Variants in STK3 observed in about 807,000 individuals in gnomAD.
STK3 encodes the protein serine/threonine kinase 3, also known as serine/threonine-protein kinase 3.
Under a neutral mutation model 58.0 loss-of-function variants are expected in STK3, and 41 were observed. The observed-to-expected ratio is 0.71, with a 90% CI of 0.55 to 0.92. The LOEUF is 0.92. Among genes scored for constraint, STK3 ranks in the 40% least tolerant of loss-of-function variants. The pLI is 0.00. For synonymous variants in STK3, 170 were observed against 191.0 expected, an observed-to-expected ratio of 0.89 and a Z score of 0.91; for missense variants, 479 against 602.7, an observed-to-expected ratio of 0.79 and a Z score of 2.15.
At chr8:98,508,008 C>G (rs886229073) in intron 10 of STK3, among the ~76,000 whole-genome samples, 1 of 152,076 alleles carries the variant, frequency 6.6e-6, no homozygotes, top group Admixed American at 6.6e-5. Flanking sequence ...AAACTGTATA[C>G]TTTACTAATT....
chr8:98,404,410 G>A (rs540193677), intron 3 of STK3, among the ~76,000 whole-genome samples: 1 of 152,280 alleles, frequency 6.6e-6, no homozygotes, highest in East Asian at 1.9e-4. Context: ...GCTGGGTGTG[G>A]TGGCTCACGC....
chr8:98,645,522 T>C (rs1332509037), intron 6 of STK3, among the ~76,000 whole-genome samples: 1 of 152,204 alleles, frequency 6.6e-6, no homozygotes, highest in Non-Finnish European at 1.5e-5. Context: ...CACTGTATTA[T>C]ATATTAAACT....
chr8:98,770,255 T>C (rs748363064), intron 2 of STK3, among the ~76,000 whole-genome samples: 9 of 152,118 alleles, frequency 5.9e-5, no homozygotes, highest in Non-Finnish European at 1.3e-4. Flanking sequence ...CCACCACTTA[T>C]TGCTTCCAGA....
intron 7 of STK3, among the ~76,000 whole-genome samples, chr8:98,593,049 C>A (rs931342089): frequency 6.6e-6 from 1 of 152,166 alleles, no homozygotes; most frequent in Non-Finnish European, 1.5e-5. Flanking sequence ...CAGGCGTGAG[C>A]CACGGTGCCT....
rs1199191742 is a variant in STK3 at position 98,893,465 on chromosome 8, A to T, written c.-78-9631T>A. On this transcript the variant is annotated intron_variant, in intron 1 of 1. Transcript: ENST00000519420. ...AAGAAAGAAAGAAAGAAAGAAAGAA[A>T]GAAAGAAAGAAAGAAAGAAAGAGAA... Among the ~76,000 whole-genome samples the T allele has an allele frequency of 4.7e-5, 5 of 106,852 alleles. No individual in the cohort carries two copies. The East Asian group carries it at 1.3e-3, about 28-fold the overall frequency. The allele number at this position is 106,852 out of a possible 152,430, so 70.1% of individuals were successfully genotyped here. A position where few individuals can be genotyped will look rare whatever the true frequency, so the allele number is the denominator to read the frequency against.
At chr8:98,732,075 C>T (rs1387930743) in intron 4 of STK3, among the ~76,000 whole-genome samples, 1 of 151,498 alleles carries the variant, frequency 6.6e-6, no homozygotes, top group Non-Finnish European at 1.5e-5. Context: ...AATATAACTG[C>T]TAAAATAAAA....
At chr8:98,919,118 C>T (rs1369378079) in intron 1 of STK3, among the ~76,000 whole-genome samples, 2 of 152,130 alleles carry the variant, frequency 1.3e-5, no homozygotes, top group Admixed American at 6.5e-5. Flanking sequence ...TATATTCTGC[C>T]ATACATACTG....
chr8:98,753,726 A>T (rs1398527569), intron 3 of STK3, among the ~76,000 whole-genome samples: 1 of 152,154 alleles, frequency 6.6e-6, no homozygotes, highest in African/African-American at 2.4e-5. Context: ...TATTAAAAAC[A>T]AAGGCAATAA....
intron 10 of STK3, among the ~76,000 whole-genome samples, chr8:98,469,961 T>C (rs1469858599): frequency 6.6e-6 from 1 of 152,160 alleles, no homozygotes; most frequent in Non-Finnish European, 1.5e-5. Flanking sequence ...CTGAAACTGG[T>C]TTATATTCAC....
At chr8:98,418,053 G>C (rs1255429809) in intron 3 of STK3, among the ~76,000 whole-genome samples, 1 of 152,078 alleles carries the variant, frequency 6.6e-6, no homozygotes, top group Admixed American at 6.6e-5. Flanking sequence ...GGTACTAAAG[G>C]TGTGTACCAC....
At chr8:98,870,743 C>T (rs1253123933) in intron 3 of STK3, among the ~76,000 whole-genome samples, 4 of 152,148 alleles carry the variant, frequency 2.6e-5, no homozygotes, top group Admixed American at 6.5e-5. Context: ...TGGATATTAG[C>T]CCTTTGTCAG....
chr8:98,455,819 T>TA lies in STK3; in HGVS notation c.*22dup. 1 of 1,612,646 alleles carries TA rather than the reference T, an allele frequency of 6.2e-7. No individual in the cohort carries two copies. The highest frequency in any genetic ancestry group is 2.2e-5 in the East Asian group (1 of 44,860). On this transcript the variant is annotated 3_prime_UTR_variant, in exon 11 of 11. Coordinates refer to ENST00000419617, the MANE Select transcript of STK3 (RefSeq NM_006281.4). ...GTGGTTTCTTGGTCTCCAGAATAGT[T>TA]AAAAACAGAGAGGAAATTAGACTCA...
chr8:98,412,029 C>T (rs935848321), intron 3 of STK3, among the ~76,000 whole-genome samples: 1 of 152,210 alleles, frequency 6.6e-6, no homozygotes, highest in Non-Finnish European at 1.5e-5. Flanking sequence ...AAAATCAGCT[C>T]TCAAATTGCA....
chr8:98,366,461 C>T (rs1032928145), downstream of STK3, among the ~76,000 whole-genome samples: 5 of 152,210 alleles, frequency 3.3e-5, no homozygotes, highest in Middle Eastern at 3.4e-3. Flanking sequence ...GTCTTATCTC[C>T]ATACCATAAA....
At chr8:98,895,852 A>T (rs906891926) in intron 1 of STK3, among the ~76,000 whole-genome samples, 8 of 152,200 alleles carry the variant, frequency 5.3e-5, no homozygotes, top group African/African-American at 1.9e-4. Flanking sequence ...AGCAGAAATT[A>T]TCCTAATGGT....
At chr8:98,565,824 A>T (rs952271476) in intron 8 of STK3, among the ~76,000 whole-genome samples, 2 of 152,182 alleles carry the variant, frequency 1.3e-5, no homozygotes, top group Non-Finnish European at 2.9e-5. Context: ...ATATTATTTA[A>T]TCAACTCATG....
chr8:98,845,974 G>A (rs376463423), intron 3 of STK3, among the ~76,000 whole-genome samples: 1 of 152,210 alleles, frequency 6.6e-6, no homozygotes, highest in African/African-American at 2.4e-5. Context: ...GGAAGTTGCT[G>A]TTGTCACTGC....
At chr8:98,481,649 A>G (rs914426735) in intron 10 of STK3, among the ~76,000 whole-genome samples, 5 of 151,932 alleles carry the variant, frequency 3.3e-5, no homozygotes, top group Non-Finnish European at 4.4e-5. Flanking sequence ...TGATGGGTAC[A>G]CTAGCAGCCC....
chr8:98,374,921 T>C (rs1437603438), intron 2 of STK3, among the ~76,000 whole-genome samples: 1 of 152,100 alleles, frequency 6.6e-6, no homozygotes, highest in Non-Finnish European at 1.5e-5. Context: ...GAAGACCCTA[T>C]TACATACCTT....
Sources: allele counts gnomAD v4.1 joint callset (sites outside exome capture counted in the v4.1 genomes callset), GRCh38; gene constraint gnomAD v4.1.1; transcripts MANE v1.5; gene names NCBI Gene and HGNC (gene_info 2026-07-23, HGNC 2026-07-21).